SCHIP1: variants seen among roughly 807,000 people sequenced by gnomAD.
SCHIP1 encodes schwannomin interacting protein 1.
Under a neutral mutation model 29.7 loss-of-function variants are expected in SCHIP1, and 8 were observed. The ratio of observed to expected loss-of-function variants is 0.27; its 90% CI spans 0.16 to 0.49. The LOEUF (loss-of-function observed/expected upper bound fraction) is 0.49. SCHIP1 is among the 20% of genes least tolerant of loss of function. The pLI, the probability that SCHIP1 is intolerant of heterozygous loss-of-function variation, is 0.99. For missense variants in SCHIP1, 193 were observed against 294.6 expected (o/e 0.66, Z 2.52); for synonymous variants, 76 against 94.9 (o/e 0.80, Z 1.16).
chr3:159,583,080 A>G, the SCHIP1 span, among the ~76,000 whole-genome samples: 7 of 152,154 alleles, frequency 4.6e-5, no homozygotes, highest in Non-Finnish European at 1.0e-4. Flanking sequence ...GTAAATTTCA[A>G]CCTCAAGTAT....
chr3:159,652,403 T>C, the SCHIP1 span, among the ~76,000 whole-genome samples: 1 of 152,148 alleles, frequency 6.6e-6, no homozygotes, highest in South Asian at 2.1e-4. Flanking sequence ...CAACAGTCAC[T>C]ACAAATTTTC....
rs183881880 is a variant in SCHIP1 at position 159,880,280 on chromosome 3, G to A, written c.150-5927G>A. 3.9e-5 allele frequency among the ~76,000 whole-genome samples: 6 copies of A among 152,068 alleles called. No homozygotes were observed. In the East Asian group the frequency reaches 9.7e-4, roughly 24 times the overall value. On this transcript the variant is annotated intron_variant, in intron 2 of 6. Transcript: ENST00000445224. ...TCTATCTCTCTCCTGTATTTATTCC[G>A]CCCAACCTCAGTTCACCAAGACCTC...
At chr3:159,828,421 A>ATATATACACG in the SCHIP1 span, among the ~76,000 whole-genome samples, 2 of 97,200 alleles carry the variant, frequency 2.1e-5, no homozygotes, top group South Asian at 6.2e-4. Flanking sequence ...ATATATACGT[A>ATATATACACG]TATATATACG....
At chr3:159,545,173 G>T in the SCHIP1 span, among the ~76,000 whole-genome samples, 2,211 of 96,530 alleles carry the variant, frequency 0.023, 18 homozygotes, top group Non-Finnish European at 0.038. Flanking sequence ...TATCAGAATT[G>T]CTCTAAGTCT....
At chr3:159,538,338 T>C in the SCHIP1 span, among the ~76,000 whole-genome samples, 1 of 152,176 alleles carries the variant, frequency 6.6e-6, no homozygotes, top group Non-Finnish European at 1.5e-5. Flanking sequence ...ACTTGAGGAA[T>C]TGACTTTTAT....
At chr3:159,535,099 C>T in the SCHIP1 span, among the ~76,000 whole-genome samples, 5 of 152,108 alleles carry the variant, frequency 3.3e-5, no homozygotes, top group African/African-American at 1.2e-4. Context: ...CCTTGATGTA[C>T]CAGGATTCAT....
chr3:159,362,386 C>T, the SCHIP1 span, among the ~76,000 whole-genome samples: 1 of 152,172 alleles, frequency 6.6e-6, no homozygotes, highest in South Asian at 2.1e-4. Context: ...GACTTCTGCA[C>T]AGCACGGGAG....
At chr3:159,303,986 A>G in the SCHIP1 span, among the ~76,000 whole-genome samples, 3 of 151,126 alleles carry the variant, frequency 2.0e-5, no homozygotes, top group Admixed American at 2.0e-4. Context: ...AGCATTAGGT[A>G]TATCTCCCAA....
the SCHIP1 span, among the ~76,000 whole-genome samples, chr3:159,692,176 C>T: frequency 2.0e-5 from 3 of 152,062 alleles, no homozygotes; most frequent in Admixed American, 6.5e-5. Flanking sequence ...TCATTTCATC[C>T]TTGGTGAATC....
intron 1 of SCHIP1, among the ~76,000 whole-genome samples, chr3:159,846,265 A>G (rs1335289910): frequency 1.3e-5 from 2 of 152,228 alleles, no homozygotes; most frequent in African/African-American, 4.8e-5. Flanking sequence ...TTTCAGCCCA[A>G]TTGAGGTATC....
the SCHIP1 span, among the ~76,000 whole-genome samples, chr3:159,636,929 TGTA>T: frequency 6.6e-6 from 1 of 152,248 alleles, no homozygotes; most frequent in African/African-American, 2.4e-5. Flanking sequence ...AGTTGTAGTT[TGTA>T]GTTTTAGCTA....
At chr3:159,447,799 GT>G in the SCHIP1 span, among the ~76,000 whole-genome samples, 1 of 152,120 alleles carries the variant, frequency 6.6e-6, no homozygotes, top group African/African-American at 2.4e-5. Flanking sequence ...TAAATGTGCA[GT>G]TTCCCAGTAC....
At chr3:159,342,397 G>T in the SCHIP1 span, among the ~76,000 whole-genome samples, 4 of 152,120 alleles carry the variant, frequency 2.6e-5, no homozygotes, top group Admixed American at 1.3e-4. Flanking sequence ...CTGGAAAAAA[G>T]AAATTGTTAC....
At chr3:159,499,243 GA>G in the SCHIP1 span, among the ~76,000 whole-genome samples, 14 of 152,178 alleles carry the variant, frequency 9.2e-5, no homozygotes, top group Admixed American at 3.9e-4. Flanking sequence ...TTTTGACAGA[GA>G]TGTTTAGTGC....
chr3:159,484,890 A>G, the SCHIP1 span, among the ~76,000 whole-genome samples: 1,213 of 152,260 alleles, frequency 8.0e-3, 21 homozygotes, highest in African/African-American at 0.027. Context: ...ATTAAGAAAG[A>G]TAATGTTTAG....
the SCHIP1 span, among the ~76,000 whole-genome samples, chr3:159,582,428 A>C: frequency 1.3e-5 from 2 of 152,002 alleles, no homozygotes; most frequent in Admixed American, 1.3e-4. Context: ...CGGCCTCCCA[A>C]AGTGTTAGGA....
the SCHIP1 span, among the ~76,000 whole-genome samples, chr3:159,433,848 G>T: frequency 6.6e-6 from 1 of 152,116 alleles, no homozygotes; most frequent in South Asian, 2.1e-4. Flanking sequence ...CAACAAGTAG[G>T]TGCCGAATAA....
the SCHIP1 span, among the ~76,000 whole-genome samples, chr3:159,746,184 T>C: frequency 6.6e-6 from 1 of 152,260 alleles, no homozygotes; most frequent in African/African-American, 2.4e-5. Context: ...AAATTGGCCC[T>C]ATGAATTCTT....
At chr3:159,552,736 T>A in the SCHIP1 span, among the ~76,000 whole-genome samples, 3 of 152,204 alleles carry the variant, frequency 2.0e-5, no homozygotes, top group African/African-American at 7.2e-5. Flanking sequence ...CAGACACAGG[T>A]CTAGAAATAT....
Sources: gnomAD v4.1 joint callset for allele counts (sites outside exome capture counted in the v4.1 genomes callset) on GRCh38, gnomAD v4.1.1 for gene constraint, MANE v1.5 for transcripts, NCBI Gene and HGNC (gene_info 2026-07-23, HGNC 2026-07-21) for gene names.